ULK4: variants seen among roughly 807,000 people sequenced by gnomAD.
ULK4 encodes unc-51 like kinase 4.
In ULK4, 133 loss-of-function variants were observed where a neutral mutation model predicts 160.6. The ratio of observed to expected loss-of-function variants is 0.83; its 90% CI spans 0.72 to 0.96. The LOEUF is 0.96. Ranked by LOEUF, ULK4 falls within the 40% of genes least tolerant of loss-of-function variation. ULK4 has a pLI of 0.00. For missense variants in ULK4, 1,580 were observed against 1,499.5 expected, an observed-to-expected ratio of 1.05 and a Z score of -0.89; for synonymous variants, 534 against 539.8, an observed-to-expected ratio of 0.99 and a Z score of 0.15.
intron 34 of ULK4, among the ~76,000 whole-genome samples, chr3:41,404,671 T>G (rs1162580793): frequency 6.6e-6 from 1 of 152,006 alleles, no homozygotes; most frequent in Non-Finnish European, 1.5e-5. Flanking sequence ...ACAGAGGGAG[T>G]AGAGTCATTA....
At chr3:41,765,136 T>C (rs2039115980) in intron 21 of ULK4, among the ~76,000 whole-genome samples, 1 of 152,164 alleles carries the variant, frequency 6.6e-6, no homozygotes, top group African/African-American at 2.4e-5. Context: ...CTATTCACAA[T>C]AGCGAAGACT....
intron 27 of ULK4, among the ~76,000 whole-genome samples, chr3:41,684,034 C>T (rs1178493066): frequency 1.3e-5 from 2 of 152,176 alleles, no homozygotes; most frequent in South Asian, 2.1e-4. Flanking sequence ...TCTGATTGCC[C>T]CATGCAGACT....
chr3:41,255,426 T>C (rs1292930754), intron 35 of ULK4, among the ~76,000 whole-genome samples: 1 of 152,166 alleles, frequency 6.6e-6, no homozygotes, highest in Admixed American at 6.5e-5. Flanking sequence ...GAGGTTGCAG[T>C]GAGCTGAGAT....
At chr3:41,247,706 CCT>C (rs1399838326) in intron 36 of ULK4, among the ~76,000 whole-genome samples, 12 of 152,274 alleles carry the variant, frequency 7.9e-5, no homozygotes, top group Non-Finnish European at 1.8e-4. Flanking sequence ...CATCAAAGCC[CCT>C]GTGTGACAGA....
chr3:41,618,883 T>C (rs939545555), intron 30 of ULK4, among the ~76,000 whole-genome samples: 8 of 151,522 alleles, frequency 5.3e-5, no homozygotes, highest in African/African-American at 1.9e-4. Context: ...GAGACCCATC[T>C]CACATGCAAA....
At chr3:41,702,924 G>A (rs1408498115) in intron 27 of ULK4, among the ~76,000 whole-genome samples, 1 of 147,234 alleles carries the variant, frequency 6.8e-6, no homozygotes, top group Non-Finnish European at 1.5e-5. Context: ...CACAACCTCA[G>A]CTCACTGCAA....
At chr3:41,774,561 A>C (rs1298167651) in intron 21 of ULK4, among the ~76,000 whole-genome samples, 1 of 148,858 alleles carries the variant, frequency 6.7e-6, no homozygotes, top group East Asian at 1.9e-4. Flanking sequence ...ATCATTAAAA[A>C]GTCAGGAAAC....
Position 41,681,357 on chromosome 3 carries a change from C to G in ULK4, c.2978+151G>C, listed in dbSNP as rs530464546. On this transcript the variant is annotated intron_variant, in intron 29 of 36. Transcript: ENST00000301831. ...CTTCTGCAGTCTAACAGTTACCGCACCTGTCTAAACTTTTTTTATAATGAG... is the reference window on the plus strand; with the variant it reads ...CTTCTGCAGTCTAACAGTTACCGCAGCTGTCTAAACTTTTTTTATAATGAG... 2.7e-5 allele frequency: 28 copies of G among 1,029,652 alleles called. No homozygotes were observed. In the South Asian group the frequency reaches 4.6e-4, roughly 17 times the overall value. 63.8% of individuals were successfully genotyped at this position (1,029,652 alleles called of 1,614,324 possible).
intron 19 of ULK4, among the ~76,000 whole-genome samples, chr3:41,812,050 C>G (rs1203479215): frequency 6.6e-6 from 1 of 152,116 alleles, no homozygotes; most frequent in Non-Finnish European, 1.5e-5. Flanking sequence ...CTTTGGGAAG[C>G]CAGGGCAGGA....
At chr3:41,433,691 C>T (rs1286459870) in intron 34 of ULK4, among the ~76,000 whole-genome samples, 4 of 152,050 alleles carry the variant, frequency 2.6e-5, no homozygotes, top group South Asian at 2.1e-4. Context: ...ATCTCTAATC[C>T]TAAAATCCAA....
intron 21 of ULK4, among the ~76,000 whole-genome samples, chr3:41,769,338 A>G (rs1366629044): frequency 1.3e-5 from 2 of 152,170 alleles, no homozygotes; most frequent in African/African-American, 4.8e-5. Context: ...TAATCTCACA[A>G]CACTTGAGGA....
chr3:41,447,083 C>CAAAAAAA, intron 34 of ULK4, among the ~76,000 whole-genome samples: 1 of 53,672 alleles, frequency 1.9e-5, no homozygotes, highest in Non-Finnish European at 3.1e-5. Context: ...GACTCTGTCT[C>CAAAAAAA]AAAAAAAAAA....
At chr3:41,271,204 A>G (rs1159120129) in intron 35 of ULK4, among the ~76,000 whole-genome samples, 1 of 152,022 alleles carries the variant, frequency 6.6e-6, no homozygotes, top group East Asian at 1.9e-4. Flanking sequence ...TGTAATCTCT[A>G]CCTTCTTCTC....
chr3:41,396,686 T>C (rs1024046899), intron 35 of ULK4, among the ~76,000 whole-genome samples: 1 of 151,814 alleles, frequency 6.6e-6, no homozygotes, highest in Non-Finnish European at 1.5e-5. Context: ...CAAAAGAAAA[T>C]GGAAATGAAA....
intron 34 of ULK4, among the ~76,000 whole-genome samples, chr3:41,399,795 G>T (rs1056129896): frequency 1.3e-5 from 2 of 151,902 alleles, no homozygotes; most frequent in Non-Finnish European, 2.9e-5. Flanking sequence ...GTGTAGACGG[G>T]TCTCACCATG....
At chr3:41,917,755 G>A (rs1310739710) in intron 7 of ULK4, among the ~76,000 whole-genome samples, 1 of 152,104 alleles carries the variant, frequency 6.6e-6, no homozygotes, top group Non-Finnish European at 1.5e-5. Flanking sequence ...GCTGAGGTGG[G>A]TGGATCATGA....
At chr3:41,919,165 T>A (rs1699083273) in intron 6 of ULK4, among the ~76,000 whole-genome samples, 1 of 152,132 alleles carries the variant, frequency 6.6e-6, no homozygotes, top group African/African-American at 2.4e-5. Context: ...TTTCTAATAA[T>A]CACAATTTTT....
At chr3:41,340,886 A>T (rs1049815015) in intron 35 of ULK4, among the ~76,000 whole-genome samples, 2 of 152,200 alleles carry the variant, frequency 1.3e-5, no homozygotes, top group African/African-American at 4.8e-5. Context: ...GGAATCTTAT[A>T]TGGAAATGGA....
intron 34 of ULK4, among the ~76,000 whole-genome samples, chr3:41,421,295 A>G (rs186538310): frequency 6.6e-6 from 1 of 152,124 alleles, no homozygotes; most frequent in Non-Finnish European, 1.5e-5. Context: ...TATTTCTCTC[A>G]TCTTACAGCA....
Sources: allele counts gnomAD v4.1 joint callset (sites outside exome capture counted in the v4.1 genomes callset), GRCh38; gene constraint gnomAD v4.1.1; transcripts MANE v1.5; gene names NCBI Gene and HGNC (gene_info 2026-07-23, HGNC 2026-07-21).